Variants in DIAPH1 observed in about 807,000 individuals in gnomAD.
The protein encoded by DIAPH1 is diaphanous related formin 1, also known as protein diaphanous homolog 1.
DIAPH1 carries 46 observed loss-of-function variants against 140.7 expected under a neutral mutation model. The observed-to-expected ratio is 0.33, with a 90% CI of 0.26 to 0.42. DIAPH1 has a LOEUF of 0.42. Among genes scored for constraint, DIAPH1 ranks in the 10% least tolerant of loss-of-function variants. DIAPH1 has a pLI of 1.00. For synonymous variants in DIAPH1, 565 were observed against 551.6 expected, an observed-to-expected ratio of 1.02 and a Z score of -0.34; for missense variants, 1,310 against 1,558.7, an observed-to-expected ratio of 0.84 and a Z score of 2.69.
rs2099887578 is a variant in DIAPH1 at position 141,527,641 on chromosome 5, C to T, written c.3205G>A (p.Val1069Met). 1 of 1,493,980 alleles carries T rather than the reference C, an allele frequency of 6.7e-7. No homozygotes were observed. Among genetic ancestry groups the T allele is most frequent in the Non-Finnish European group, 9.0e-7 (1 of 1,108,994 alleles). The allele number at this position is 1,493,980 out of a possible 1,614,324, so 92.5% of individuals were successfully genotyped here. ...GGGAAATTCTGAACATCACGTTCCA[C>T]ATCAGAAATTTGTTTCTTCATCTGA... ...LDQMKKQISD[V>M]ERDVQNFPAA... Residue 1069 changes from valine (V) to methionine (M), a missense_variant, in exon 24 of 28, where the codon GTG becomes ATG. Coordinates refer to ENST00000389054, the MANE Select transcript of DIAPH1 (RefSeq NM_005219.5).
chr5:141,528,719 T>TA lies in DIAPH1; in HGVS notation c.3000dup (p.Ile1001TyrfsTer6). 6.2e-7 allele frequency: 1 copy of TA among 1,614,250 alleles called. No individual in the cohort carries two copies. The highest frequency in any genetic ancestry group is 8.5e-7 in the Non-Finnish European group (1 of 1,180,042). ...TGGCTCACCTTACAGAGGAAGCTGA[T>TA]ATTGAAGCCAAAAGCACCAGCATTT... is the stretch of plus-strand genomic sequence containing the variant. On this transcript the variant is annotated frameshift_variant, in exon 22 of 28. Transcript: ENST00000389054. LOFTEE classifies it high-confidence loss of function.
At chr5:141,521,945 G>A (rs2099886613) in intron 27 of DIAPH1, among the ~76,000 whole-genome samples, 2 of 152,176 alleles carry the variant, frequency 1.3e-5, no homozygotes, top group Non-Finnish European at 2.9e-5. Flanking sequence ...GAGGAACTGA[G>A]TCCCAGAAAC....
At chr5:141,582,083 AAAAAG>A in intron 7 of DIAPH1, 4 of 410,496 alleles carry the variant, frequency 9.7e-6, no homozygotes, top group South Asian at 3.6e-5. Flanking sequence ...AAAAAAAAAA[AAAAAG>A]AGAGAGAAAC....
chr5:141,569,038 T>C (rs1311463229), intron 18 of DIAPH1, among the ~76,000 whole-genome samples: 11 of 152,008 alleles, frequency 7.2e-5, no homozygotes, highest in Admixed American at 7.2e-4. Flanking sequence ...TAATCTATTA[T>C]TGTTCCCTTT....
intron 18 of DIAPH1, among the ~76,000 whole-genome samples, chr5:141,539,168 T>G (rs1415339057): frequency 6.6e-6 from 1 of 151,962 alleles, no homozygotes; most frequent in Non-Finnish European, 1.5e-5. Context: ...TCCTAGCTAT[T>G]TGGGAGGCTG....
intron 7 of DIAPH1, 109 bp downstream of exon 7, chr5:141,582,203 A>G (rs2099896889): frequency 6.2e-6 from 5 of 811,684 alleles, no homozygotes; most frequent in Middle Eastern, 2.2e-4. Flanking sequence ...TAAAAGAGAA[A>G]GCTAGAAGTC....
At chr5:141,544,312 AAAAAAT>A (rs892656037) in intron 18 of DIAPH1, among the ~76,000 whole-genome samples, 1 of 152,112 alleles carries the variant, frequency 6.6e-6, no homozygotes, top group Non-Finnish European at 1.5e-5. Flanking sequence ...CTCCATCTCA[AAAAAAT>A]AAAAATAAAA....
intron 1 of DIAPH1, among the ~76,000 whole-genome samples, chr5:141,595,742 T>C (rs1018095703): frequency 6.6e-6 from 1 of 152,142 alleles, no homozygotes; most frequent in Non-Finnish European, 1.5e-5. Flanking sequence ...CTTTATAAAT[T>C]ACCCAGTCTC....
intron 18 of DIAPH1, among the ~76,000 whole-genome samples, chr5:141,566,252 A>T (rs2099894355): frequency 1.3e-5 from 2 of 152,218 alleles, no homozygotes; most frequent in Admixed American, 1.3e-4. Context: ...GGACAAAATC[A>T]GTAGAAGAAT....
chr5:141,518,142 G>A (rs1313766602), intron 27 of DIAPH1, among the ~76,000 whole-genome samples: 1 of 152,184 alleles, frequency 6.6e-6, no homozygotes, highest in Non-Finnish European at 1.5e-5. Flanking sequence ...CAAGGGGAGG[G>A]GAGAATCAGT....
intron 27 of DIAPH1, among the ~76,000 whole-genome samples, chr5:141,517,519 G>A (rs953177788): frequency 6.6e-6 from 1 of 152,110 alleles, no homozygotes; most frequent in African/African-American, 2.4e-5. Flanking sequence ...CTCCCGCAAA[G>A]AGGAACAGCA....
At chr5:141,529,571 G>C in intron 20 of DIAPH1, 32 bp downstream of exon 20, 8 of 1,550,350 alleles carry the variant, frequency 5.2e-6, no homozygotes, top group Non-Finnish European at 7.1e-6. Context: ...ACACAGAAGA[G>C]CCTGCTCCAG....
rs2099895564 is a variant in DIAPH1, at chr5:141,573,883, G to A, written c.1967C>T (p.Pro656Leu). Residue 656 changes from proline (P) to leucine (L), a missense_variant, in exon 16 of 28, where the codon CCT becomes CTT. Transcript: ENST00000389054. ...SGDATIPPPP[P>L]LPEGVGIPSP... is the part of the protein sequence containing the mutation. ...AGGGATGCCAACACCCTCAGGCAAAGGAGGGGGTGGAGGGATGGTAGCATC... is the reference window on the plus strand; with the variant it reads ...AGGGATGCCAACACCCTCAGGCAAAAGAGGGGGTGGAGGGATGGTAGCATC... The A allele has an allele frequency of 1.3e-6, 2 of 1,543,502 alleles. No homozygotes were observed. The highest frequency in any genetic ancestry group is 2.5e-5 in the South Asian group (2 of 81,616).
At chr5:141,590,163 C>T (rs534336977) in intron 1 of DIAPH1, among the ~76,000 whole-genome samples, 23 of 152,300 alleles carry the variant, frequency 1.5e-4, no homozygotes, top group South Asian at 1.0e-3. Context: ...ATTATGTTCA[C>T]GTTCCCCATA....
At chr5:141,519,388 G>A (rs530727801) in intron 27 of DIAPH1, among the ~76,000 whole-genome samples, 11 of 152,334 alleles carry the variant, frequency 7.2e-5, no homozygotes, top group Admixed American at 7.2e-4. Context: ...GCATGTGTGT[G>A]TGTGTGTGTA....
At chr5:141,609,704 T>G (rs768215217) in intron 1 of DIAPH1, among the ~76,000 whole-genome samples, 1 of 152,230 alleles carries the variant, frequency 6.6e-6, no homozygotes, top group African/African-American at 2.4e-5. Context: ...TGGAATGAAT[T>G]AATTTTCCTT....
chr5:141,553,305 A>G (rs531809377), intron 18 of DIAPH1, among the ~76,000 whole-genome samples: 2 of 149,032 alleles, frequency 1.3e-5, no homozygotes, highest in Non-Finnish European at 3.0e-5. Flanking sequence ...CCTGTCTCAA[A>G]AAAACAACTT....
chr5:141,592,487 TAACAACAACAAC>T lies in DIAPH1; in HGVS notation c.118-4249_118-4238del, dbSNP rs200242814. On this transcript the variant is annotated intron_variant, in intron 1 of 27. Coordinates refer to ENST00000389054, the MANE Select transcript of DIAPH1 (RefSeq NM_005219.5). Reference sequence around the variant, plus strand: ...AATAAGTTCCTAGATCATGACAAGTTAACAACAACAACAACAACAACAACAACAACAACAAAA... The same window carrying T: ...AATAAGTTCCTAGATCATGACAAGTTAACAACAACAACAACAACAACAAAA... 2.1e-3 allele frequency among the ~76,000 whole-genome samples: 298 copies of T among 144,104 alleles called. 3 individuals are homozygous for T. Among genetic ancestry groups the T allele is most frequent in the African/African-American group, 6.8e-3 (263 of 38,612 alleles). 94.5% of individuals were successfully genotyped at this position (144,104 alleles called of 152,430 possible).
intron 19 of DIAPH1, among the ~76,000 whole-genome samples, chr5:141,533,950 G>A (rs144062252): frequency 5.3e-4 from 78 of 147,690 alleles, no homozygotes; most frequent in African/African-American, 1.7e-3. Context: ...AGAATCAACT[G>A]AGCCCAGGAA....
Sources: gnomAD v4.1 joint callset for allele counts (sites outside exome capture counted in the v4.1 genomes callset) on GRCh38, gnomAD v4.1.1 for gene constraint, MANE v1.5 for transcripts, NCBI Gene and HGNC (gene_info 2026-07-23, HGNC 2026-07-21) for gene names.